ZMAT4: variants seen among roughly 807,000 people sequenced by gnomAD.
ZMAT4 encodes zinc finger matrin-type 4.
In ZMAT4, 17 loss-of-function variants were observed where a neutral mutation model predicts 28.7. The ratio of observed to expected loss-of-function variants is 0.59; its 90% CI spans 0.41 to 0.89. The LOEUF is 0.89. Ranked by LOEUF, ZMAT4 falls within the 40% of genes least tolerant of loss-of-function variation. The probability of loss-of-function intolerance (pLI) is 0.00; values close to 1 mark genes in which losing one functional copy is unlikely to be tolerated. For synonymous variants in ZMAT4, 117 were observed against 109.2 expected (o/e 1.07, Z -0.44); for missense variants, 240 against 283.8 (o/e 0.85, Z 1.11).
chr8:40,565,758 C>CTTTT (rs113385364), intron 6 of ZMAT4, among the ~76,000 whole-genome samples: 3 of 140,674 alleles, frequency 2.1e-5, no homozygotes, highest in Non-Finnish European at 3.1e-5. Flanking sequence ...TCCAGGCTAC[C>CTTTT]TTTTTTTTTT....
chr8:40,746,599 C>T (rs931563402), intron 3 of ZMAT4, among the ~76,000 whole-genome samples: 1 of 152,000 alleles, frequency 6.6e-6, no homozygotes, highest in Non-Finnish European at 1.5e-5. Context: ...CTGACCTCTG[C>T]CCACCTTGGC....
chr8:40,801,833 A>G lies in ZMAT4; in HGVS notation c.102+23742T>C, dbSNP rs183929302. ...AACATAGATGCAAAATTTTCCAACA[A>G]AATATTAGCAAATTAAATCCAACAA... On this transcript the variant is annotated intron_variant, in intron 2 of 6. Transcript: ENST00000297737. Among the ~76,000 whole-genome samples the G allele has an allele frequency of 1.4e-4, 22 of 152,302 alleles. No individual in the cohort carries two copies. The East Asian group carries it at 4.2e-3, about 29-fold the overall frequency.
chr8:40,750,215 T>C (rs994866295), intron 3 of ZMAT4, among the ~76,000 whole-genome samples: 1 of 152,092 alleles, frequency 6.6e-6, no homozygotes, highest in Non-Finnish European at 1.5e-5. Context: ...AAAATATATA[T>C]ATATATTCTT....
intron 6 of ZMAT4, among the ~76,000 whole-genome samples, chr8:40,571,703 T>C (rs1804104561): frequency 6.6e-6 from 1 of 152,144 alleles, no homozygotes; most frequent in Admixed American, 6.6e-5. Context: ...AGCAAAGAAT[T>C]AGCCATGGGT....
intron 5 of ZMAT4, among the ~76,000 whole-genome samples, chr8:40,665,990 G>A (rs1808398525): frequency 6.6e-6 from 1 of 152,116 alleles, no homozygotes; most frequent in Non-Finnish European, 1.5e-5. Flanking sequence ...CAATAGAATA[G>A]TCTCGTTTCC....
At chr8:40,801,351 A>AT (rs1554559738) in intron 2 of ZMAT4, among the ~76,000 whole-genome samples, 1,160 of 97,202 alleles carry the variant, frequency 0.012, 11 homozygotes, top group South Asian at 0.032. Context: ...TAAAAAAAAA[A>AT]ATATATATAT....
intron 5 of ZMAT4, among the ~76,000 whole-genome samples, chr8:40,610,505 T>A (rs911367493): frequency 6.6e-6 from 1 of 152,030 alleles, no homozygotes; most frequent in Admixed American, 6.5e-5. Flanking sequence ...AAATTCTATA[T>A]ATATATATAT....
At chr8:40,699,721 A>T (rs559229964) in intron 3 of ZMAT4, among the ~76,000 whole-genome samples, 1 of 152,218 alleles carries the variant, frequency 6.6e-6, no homozygotes, top group African/African-American at 2.4e-5. Context: ...GAATTATACC[A>T]TTTTTTTAAC....
rs112275671 is a variant in ZMAT4 at position 40,791,038 on chromosome 8, G to A, written c.103-23308C>T. On this transcript the variant is annotated intron_variant, in intron 2 of 6. Transcript: ENST00000297737. Reference sequence around the variant, plus strand: ...CAAAGGTAATTCAATGGAGAAAGGCGGCTCTTTCCAATAAAAGATGCTGAA... The same window carrying A: ...CAAAGGTAATTCAATGGAGAAAGGCAGCTCTTTCCAATAAAAGATGCTGAA... Among the ~76,000 whole-genome samples, 1,456 of 152,236 alleles carry A rather than the reference G, an allele frequency of 9.6e-3. 25 individuals are homozygous for A. Among genetic ancestry groups the A allele is most frequent in the African/African-American group, 0.034 (1,396 of 41,536 alleles).
At chr8:40,614,512 G>A (rs10087215) in intron 5 of ZMAT4, among the ~76,000 whole-genome samples, 20,662 of 152,052 alleles carry the variant, frequency 0.14, 1,921 homozygotes, top group African/African-American at 0.27. Flanking sequence ...TCTGTCTAAT[G>A]TTGACAGTGG....
intron 3 of ZMAT4, among the ~76,000 whole-genome samples, chr8:40,715,289 G>T (rs1214747162): frequency 6.6e-6 from 1 of 152,028 alleles, no homozygotes; most frequent in Non-Finnish European, 1.5e-5. Context: ...CAGTGATGGG[G>T]AAATGATAAC....
intron 6 of ZMAT4, among the ~76,000 whole-genome samples, chr8:40,537,202 T>C (rs929303092): frequency 2.6e-5 from 4 of 152,308 alleles, no homozygotes; most frequent in Admixed American, 6.5e-5. Flanking sequence ...CTTTGGACCC[T>C]AACAGGTTAT....
chr8:40,606,055 A>C (rs560902606), intron 5 of ZMAT4, among the ~76,000 whole-genome samples: 4 of 152,242 alleles, frequency 2.6e-5, no homozygotes, highest in African/African-American at 9.6e-5. Flanking sequence ...CCTTCAGTTT[A>C]TGTGAGTCCT....
intron 3 of ZMAT4, among the ~76,000 whole-genome samples, chr8:40,734,894 C>A (rs995584938): frequency 6.6e-6 from 1 of 152,138 alleles, no homozygotes; most frequent in African/African-American, 2.4e-5. Flanking sequence ...CAATAATGCC[C>A]TCTTGCTTGA....
chr8:40,825,926 T>C (rs955246925), intron 1 of ZMAT4, among the ~76,000 whole-genome samples: 5 of 152,240 alleles, frequency 3.3e-5, no homozygotes, highest in African/African-American at 1.2e-4. Flanking sequence ...ATAGTTTTTC[T>C]GTTGAACAAG....
chr8:40,857,324 C>T (rs1272343047), intron 1 of ZMAT4, among the ~76,000 whole-genome samples: 5 of 151,724 alleles, frequency 3.3e-5, no homozygotes, highest in African/African-American at 9.7e-5. Context: ...TGAGAATAGC[C>T]GCTGCACTCC....
intron 5 of ZMAT4, among the ~76,000 whole-genome samples, chr8:40,619,393 T>C (rs1806121696): frequency 6.6e-6 from 1 of 152,170 alleles, no homozygotes. Flanking sequence ...ATTCTTTGGA[T>C]CTCTATACAT....
intron 5 of ZMAT4, among the ~76,000 whole-genome samples, chr8:40,671,344 G>A (rs1666235503): frequency 6.6e-6 from 1 of 151,946 alleles, no homozygotes. Flanking sequence ...TAAAACATAT[G>A]TTGACCAAAA....
At chr8:40,732,834 C>CTTTTTTT (rs11461186) in intron 3 of ZMAT4, among the ~76,000 whole-genome samples, 10 of 67,024 alleles carry the variant, frequency 1.5e-4, no homozygotes, top group Admixed American at 2.0e-4. Flanking sequence ...GCAAGACCTC[C>CTTTTTTT]TTTTTTTTTT....
Sources: allele counts gnomAD v4.1 joint callset (sites outside exome capture counted in the v4.1 genomes callset), GRCh38; gene constraint gnomAD v4.1.1; transcripts MANE v1.5; gene names NCBI Gene and HGNC (gene_info 2026-07-23, HGNC 2026-07-21).